Variants in SYNE1 observed in about 807,000 individuals in gnomAD.
SYNE1 encodes the protein nesprin-1.
Under a neutral mutation model 1,111.0 loss-of-function variants are expected in SYNE1, and 616 were observed. That is an observed-to-expected ratio of 0.55 (90% CI 0.52 to 0.59). The LOEUF is 0.59. Among genes scored for constraint, SYNE1 ranks in the 20% least tolerant of loss-of-function variants. The pLI is 0.00. For missense variants in SYNE1, 10,006 were observed against 10,417.0 expected (o/e 0.96, Z 1.72); for synonymous variants, 3,855 against 3,825.8 (o/e 1.01, Z -0.28).
intron 118 of SYNE1, 30 bp from the exon 119 acceptor site, chr6:152,221,076 G>A: frequency 1.2e-6 from 2 of 1,607,472 alleles, no homozygotes; most frequent in Non-Finnish European, 1.7e-6. Flanking sequence ...CTCATGAGCA[G>A]ATTACCACCT....
intron 6 of SYNE1, among the ~76,000 whole-genome samples, chr6:152,516,595 T>C (rs1211700362): frequency 1.3e-5 from 2 of 151,984 alleles, no homozygotes; most frequent in East Asian, 1.9e-4. Context: ...TTTATTTTTA[T>C]TTTTTTTAAG....
At chr6:152,384,266 C>A (rs535125192) in intron 55 of SYNE1, among the ~76,000 whole-genome samples, 1 of 152,222 alleles carries the variant, frequency 6.6e-6, no homozygotes, top group South Asian at 2.1e-4. Context: ...AGCCTGAACT[C>A]TAATAGTACA....
intron 3 of SYNE1, chr6:152,545,855 T>A (rs975328070): frequency 6.6e-6 from 1 of 152,214 alleles, no homozygotes; most frequent in African/African-American, 2.4e-5. Flanking sequence ...TAAATGTTCA[T>A]TTAAAACAAA....
At chr6:152,627,434 C>T (rs945266084) in intron 3 of SYNE1, among the ~76,000 whole-genome samples, 3 of 151,244 alleles carry the variant, frequency 2.0e-5, no homozygotes, top group Non-Finnish European at 4.4e-5. Context: ...AGGCAGATCA[C>T]CTGAGGTCAG....
intron 127 of SYNE1, among the ~76,000 whole-genome samples, chr6:152,194,269 T>G (rs117866427): frequency 0.011 from 1,729 of 152,332 alleles, 23 homozygotes; most frequent in Non-Finnish European, 0.016. Flanking sequence ...ACGTTTTCAC[T>G]GGTTATACTA....
chr6:152,179,142 T>C (rs2067231378), intron 129 of SYNE1, among the ~76,000 whole-genome samples: 1 of 152,134 alleles, frequency 6.6e-6, no homozygotes, highest in Non-Finnish European at 1.5e-5. Context: ...CTCAAAATCC[T>C]GGCCTCTGGT....
chr6:152,219,621 CTAT>C (rs1368363023), intron 119 of SYNE1, among the ~76,000 whole-genome samples: 1 of 151,132 alleles, frequency 6.6e-6, no homozygotes, highest in African/African-American at 2.4e-5. Context: ...TTTCCTTTTT[CTAT>C]TATTATCATA....
intron 107 of SYNE1, among the ~76,000 whole-genome samples, chr6:152,241,527 T>TGTGTCTGTGTGTGTGTGA (rs59737931): frequency 1.4e-5 from 2 of 145,032 alleles, no homozygotes; most frequent in South Asian, 4.3e-4. Context: ...TGTGTGTGTG[T>TGTGTCTGTGTGTGTGTGA]GTGAAATACG....
rs573514536 is a variant in SYNE1, at chr6:152,337,209, A to T, written c.12352-192T>A. ...GCTTCAGGAAAAGCAGATTTTTTTT[A>T]AAAAAATGTAGGGTTCCTAAAGACT... On this transcript the variant is annotated intron_variant, in intron 75 of 145. Transcript: ENST00000367255. 2.6e-4 allele frequency among the ~76,000 whole-genome samples: 39 copies of T among 152,088 alleles called. No homozygotes were observed. The South Asian group carries it at 2.9e-3, about 11-fold the overall frequency.
chr6:152,303,928 T>C (rs1463907910), intron 91 of SYNE1, among the ~76,000 whole-genome samples: 1 of 149,880 alleles, frequency 6.7e-6, no homozygotes, highest in Non-Finnish European at 1.5e-5. Flanking sequence ...CACACACACA[T>C]TTTGTTATTA....
Position 152,300,712 on chromosome 6 carries a change from T to C in SYNE1, c.17611A>G (p.Ser5871Gly). Reference sequence around the variant, plus strand: ...CAGGCAGGTGGAGAGGAAATCTCACTGTTGGTTCCCTCCTCCCCAGACTCC... The same window carrying C: ...CAGGCAGGTGGAGAGGAAATCTCACCGTTGGTTCCCTCCTCCCCAGACTCC... ...TEESGEEGTN[S>G]EISSPPACRS... Residue 5871 changes from serine (S) to glycine (G), a missense_variant, in exon 93 of 146, where the codon AGT becomes GGT. Ser to Gly is a moderately conservative substitution (Grantham distance 56). Transcript: ENST00000367255. 3 of 1,614,218 alleles carry C rather than the reference T, an allele frequency of 1.9e-6. No homozygotes were observed. Among genetic ancestry groups the C allele is most frequent in the Non-Finnish European group, 2.5e-6 (3 of 1,180,038 alleles).
intron 34 of SYNE1, among the ~76,000 whole-genome samples, chr6:152,432,442 T>G (rs1028330857): frequency 3.9e-5 from 6 of 152,148 alleles, no homozygotes; most frequent in Non-Finnish European, 7.4e-5. Context: ...CTGGTATTCA[T>G]ATTCACTTAC....
intron 72 of SYNE1, among the ~76,000 whole-genome samples, chr6:152,349,744 G>A (rs1400738145): frequency 3.3e-5 from 5 of 152,144 alleles, no homozygotes; most frequent in African/African-American, 1.2e-4. Context: ...TTGTAGAAGG[G>A]ACCTGGTAGG....
At chr6:152,393,132 A>G (rs1166386134) in intron 51 of SYNE1, among the ~76,000 whole-genome samples, 1 of 152,242 alleles carries the variant, frequency 6.6e-6, no homozygotes, top group African/African-American at 2.4e-5. Context: ...TGAAACTGCA[A>G]GAAGGATTGC....
At chr6:152,584,117 C>T (rs186765945) in intron 3 of SYNE1, among the ~76,000 whole-genome samples, 51 of 152,296 alleles carry the variant, frequency 3.3e-4, no homozygotes, top group African/African-American at 1.2e-3. Flanking sequence ...ACACTTGTGC[C>T]TCGATACCCT....
intron 93 of SYNE1, among the ~76,000 whole-genome samples, chr6:152,294,446 G>T (rs1465426995): frequency 6.6e-6 from 1 of 152,086 alleles, no homozygotes; most frequent in Non-Finnish European, 1.5e-5. Flanking sequence ...TGTATTTAAA[G>T]GTTGATTAGA....
chr6:152,404,369 C>T (rs2097863630), intron 45 of SYNE1, 55 bp from the exon 46 acceptor site: 1 of 1,348,008 alleles, frequency 7.4e-7, no homozygotes, highest in African/African-American at 1.4e-5. Flanking sequence ...CTATATTTGG[C>T]ATTTAATAAT....
rs1400872674 is a variant in SYNE1, at chr6:152,383,711, G to A, written c.8652+1963C>T. Among the ~76,000 whole-genome samples the A allele has an allele frequency of 2.0e-5, 3 of 152,036 alleles. No homozygotes were observed. In the East Asian group the frequency reaches 5.8e-4, roughly 29 times the overall value. On this transcript the variant is annotated intron_variant, in intron 55 of 145. Coordinates refer to ENST00000367255, the MANE Select transcript of SYNE1 (RefSeq NM_182961.4). ...CTATACATAGGTCTTGGTTTTATCT[G>A]TTTTAGTGGCTTTAACAACAAATTA...
intron 145 of SYNE1, chr6:152,128,939 T>C (rs1269611308): frequency 6.6e-6 from 1 of 152,222 alleles, no homozygotes; most frequent in Non-Finnish European, 1.5e-5. Context: ...TGTGAAGGTG[T>C]TGGATGACGT....
Sources: allele counts gnomAD v4.1 joint callset (sites outside exome capture counted in the v4.1 genomes callset), GRCh38; gene constraint gnomAD v4.1.1; transcripts MANE v1.5; gene names NCBI Gene and HGNC (gene_info 2026-07-23, HGNC 2026-07-21).